Variants in GRID2 observed in about 807,000 individuals in gnomAD.
GRID2 encodes glutamate receptor ionotropic, delta-2.
Under a neutral mutation model 114.8 loss-of-function variants are expected in GRID2, and 33 were observed. The observed-to-expected ratio is 0.29, with a 90% CI of 0.22 to 0.38. The LOEUF is 0.38. Ranked by LOEUF, GRID2 falls within the 10% of genes least tolerant of loss-of-function variation. The pLI is 1.00. For synonymous variants in GRID2, 505 were observed against 449.9 expected (o/e 1.12, Z -1.55); for missense variants, 1,184 against 1,257.7 (o/e 0.94, Z 0.89).
chr4:92,524,455 T>A (rs1485201121), intron 1 of GRID2, among the ~76,000 whole-genome samples: 1 of 149,332 alleles, frequency 6.7e-6, no homozygotes, highest in Non-Finnish European at 1.5e-5. Flanking sequence ...GGCTGTCTTT[T>A]TTCCTTGGTT....
At chr4:92,605,218 C>A (rs1729398212) in intron 2 of GRID2, among the ~76,000 whole-genome samples, 1 of 151,986 alleles carries the variant, frequency 6.6e-6, no homozygotes, top group African/African-American at 2.4e-5. Context: ...TGTACATTTT[C>A]TTTCTTTGGA....
intron 2 of GRID2, among the ~76,000 whole-genome samples, chr4:92,810,242 G>A (rs889021310): frequency 3.1e-4 from 47 of 150,440 alleles, no homozygotes; most frequent in Admixed American, 2.0e-4. Flanking sequence ...TTTTTAGGAT[G>A]CACTTTTTTT....
chr4:92,997,740 A>G (rs2149212813), intron 2 of GRID2, among the ~76,000 whole-genome samples: 1 of 152,266 alleles, frequency 6.6e-6, no homozygotes, highest in East Asian at 1.9e-4. Context: ...AAGTAATCCT[A>G]TAGGCTTCAG....
intron 1 of GRID2, among the ~76,000 whole-genome samples, chr4:92,388,602 T>C (rs1412764388): frequency 6.6e-6 from 1 of 152,046 alleles, no homozygotes; most frequent in Non-Finnish European, 1.5e-5. Flanking sequence ...TGCATTGTTT[T>C]CCGAGACTGG....
intron 1 of GRID2, among the ~76,000 whole-genome samples, chr4:92,526,104 T>C (rs897245638): frequency 6.6e-6 from 1 of 151,608 alleles, no homozygotes; most frequent in African/African-American, 2.4e-5. Context: ...AATAGATGGG[T>C]CATCTCTAAA....
At chr4:92,375,646 C>T (rs984513548) in intron 1 of GRID2, among the ~76,000 whole-genome samples, 1 of 151,858 alleles carries the variant, frequency 6.6e-6, no homozygotes, top group Non-Finnish European at 1.5e-5. Context: ...TTTTTGTGCT[C>T]CTCATTTAGC....
intron 2 of GRID2, among the ~76,000 whole-genome samples, chr4:92,630,200 C>G (rs1433718290): frequency 1.3e-5 from 2 of 152,008 alleles, no homozygotes; most frequent in Non-Finnish European, 2.9e-5. Context: ...ATCTACTGCT[C>G]TGATTATGTG....
chr4:93,007,499 A>C (rs928699179), intron 2 of GRID2, among the ~76,000 whole-genome samples: 21 of 152,268 alleles, frequency 1.4e-4, no homozygotes, highest in Admixed American at 3.9e-4. Flanking sequence ...TATATGAGCT[A>C]AGGTACCTTT....
At chr4:93,632,228 C>T (rs1720973667) in intron 14 of GRID2, among the ~76,000 whole-genome samples, 1 of 152,088 alleles carries the variant, frequency 6.6e-6, no homozygotes, top group African/African-American at 2.4e-5. Context: ...TAATGAGATC[C>T]CATTTGTCAG....
chr4:93,130,550 A>C (rs1056103022), intron 4 of GRID2, among the ~76,000 whole-genome samples: 1 of 152,214 alleles, frequency 6.6e-6, no homozygotes, highest in Non-Finnish European at 1.5e-5. Flanking sequence ...CTAAGGAAAA[A>C]AAAGAAAAGT....
At chr4:93,282,265 A>C in intron 8 of GRID2, 7 of 318,668 alleles carry the variant, frequency 2.2e-5, no homozygotes, top group South Asian at 1.8e-4. Context: ...TGTAAGTCTT[A>C]TCTCAGGTAG....
chr4:93,109,782 G>A (rs1236436701), intron 3 of GRID2, among the ~76,000 whole-genome samples: 1 of 152,050 alleles, frequency 6.6e-6, no homozygotes, highest in African/African-American at 2.4e-5. Context: ...TATTAAGCTT[G>A]TATTGTGCCA....
chr4:93,337,006 G>T (rs1759158528), intron 8 of GRID2, among the ~76,000 whole-genome samples: 1 of 152,004 alleles, frequency 6.6e-6, no homozygotes, highest in African/African-American at 2.4e-5. Flanking sequence ...TATCCCTTGT[G>T]GGGAGAAGTT....
intron 13 of GRID2, among the ~76,000 whole-genome samples, chr4:93,558,044 A>G (rs1734491277): frequency 6.6e-6 from 1 of 152,222 alleles, no homozygotes; most frequent in Admixed American, 6.5e-5. Context: ...CATCAATAAG[A>G]AAAATTCATA....
chr4:92,468,878 T>C (rs1043195377), intron 1 of GRID2, among the ~76,000 whole-genome samples: 3 of 152,106 alleles, frequency 2.0e-5, no homozygotes, highest in Non-Finnish European at 4.4e-5. Context: ...GCTGTTGAAG[T>C]AGTCAAACTG....
At chr4:92,397,575 T>G (rs576507014) in intron 1 of GRID2, among the ~76,000 whole-genome samples, 3 of 151,832 alleles carry the variant, frequency 2.0e-5, no homozygotes, top group Admixed American at 6.6e-5. Flanking sequence ...AAACTGAAAG[T>G]GAAAAGAAAT....
chr4:92,868,066 TTCTGTCTG>T (rs1194588659), intron 2 of GRID2, among the ~76,000 whole-genome samples: 8,113 of 122,938 alleles, frequency 0.066, 321 homozygotes, highest in Middle Eastern at 0.11. Flanking sequence ...CTTTCTTTCT[TTCTGTCTG>T]TCTGTCTGTC....
At chr4:92,407,779 A>G (rs1188681818) in intron 1 of GRID2, among the ~76,000 whole-genome samples, 1 of 151,922 alleles carries the variant, frequency 6.6e-6, no homozygotes, top group African/African-American at 2.4e-5. Flanking sequence ...AAATTGGATT[A>G]TGTGGTTTTT....
chr4:92,351,985 G>A (rs868141633), intron 1 of GRID2, among the ~76,000 whole-genome samples: 16 of 151,894 alleles, frequency 1.1e-4, no homozygotes, highest in African/African-American at 3.6e-4. Flanking sequence ...ATATCATTTC[G>A]ATGTACTTAT....
Sources: allele counts gnomAD v4.1 joint callset (sites outside exome capture counted in the v4.1 genomes callset), GRCh38; gene constraint gnomAD v4.1.1; transcripts MANE v1.5; gene names NCBI Gene and HGNC (gene_info 2026-07-23, HGNC 2026-07-21).